Variants in KRIT1 observed in about 807,000 individuals in gnomAD.
KRIT1 encodes the protein krev interaction trapped protein 1.
Under a neutral mutation model 95.8 loss-of-function variants are expected in KRIT1, and 45 were observed. The ratio of observed to expected loss-of-function variants is 0.47; its 90% CI spans 0.37 to 0.60. The LOEUF (loss-of-function observed/expected upper bound fraction) is 0.60. Among genes scored for constraint, KRIT1 ranks in the 20% least tolerant of loss-of-function variants. KRIT1 has a pLI of 0.00. For synonymous variants in KRIT1, 282 were observed against 278.8 expected (o/e 1.01, Z -0.11); for missense variants, 788 against 877.5 (o/e 0.90, Z 1.29).
At chr7:92,206,688 C>G (rs1457141942) in intron 17 of KRIT1, 1 of 151,816 alleles carries the variant, frequency 6.6e-6, no homozygotes, top group Non-Finnish European at 1.5e-5. Flanking sequence ...AACATGACAC[C>G]TTCAAAGGAA....
chr7:92,210,746 A>T (rs1584776089), intron 17 of KRIT1, among the ~76,000 whole-genome samples: 1 of 152,226 alleles, frequency 6.6e-6, no homozygotes, highest in Non-Finnish European at 1.5e-5. Flanking sequence ...TGAAGAGACA[A>T]TGTGGTGAAT....
chr7:92,215,046 G>A (rs1734418918), intron 14 of KRIT1, among the ~76,000 whole-genome samples: 1 of 152,066 alleles, frequency 6.6e-6, no homozygotes, highest in South Asian at 2.1e-4. Context: ...GTATGGCAGT[G>A]TTCTAATAAC....
At chr7:92,226,066 T>C (rs1314344957) in intron 11 of KRIT1, among the ~76,000 whole-genome samples, 1 of 152,224 alleles carries the variant, frequency 6.6e-6, no homozygotes, top group Non-Finnish European at 1.5e-5. Flanking sequence ...ACAGACATAA[T>C]AAAAGTTTTA....
intron 10 of KRIT1, among the ~76,000 whole-genome samples, chr7:92,232,476 G>GT (rs1376521800): frequency 2.0e-5 from 3 of 148,926 alleles, no homozygotes; most frequent in Non-Finnish European, 4.4e-5. Context: ...TTGTTTTTAT[G>GT]TAATAGTTGA....
In KRIT1 at chr7:92,234,928, A is replaced by T. The variant is rs769363711; in HGVS notation, c.730-5T>A. The T allele has an allele frequency of 7.6e-7, 1 of 1,320,416 alleles. No individual in the cohort carries two copies. The highest frequency in any genetic ancestry group is 1.1e-6 in the Non-Finnish European group (1 of 912,244). The allele number at this position is 1,320,416 out of a possible 1,614,324, so 81.8% of individuals were successfully genotyped here. A position where few individuals can be genotyped will look rare whatever the true frequency, so the allele number is the denominator to read the frequency against. On this transcript the variant is annotated splice_polypyrimidine_tract_variant and splice_region_variant and intron_variant, in intron 8 of 18. Transcript: ENST00000394505. ...ATTTATTACCACTTTATCTACCTAG[A>T]AAGGGAAAACAATAACAAAAACCCA...
intron 11 of KRIT1, among the ~76,000 whole-genome samples, 175 bp from the exon 12 acceptor site, chr7:92,226,002 T>C (rs1774697520): frequency 3.3e-5 from 5 of 152,218 alleles, no homozygotes; most frequent in Admixed American, 3.3e-4. Flanking sequence ...GTTGCCAAGA[T>C]AAAAGACTCA....
chr7:92,233,199 T>C (rs1797696929), intron 10 of KRIT1, among the ~76,000 whole-genome samples: 2 of 148,736 alleles, frequency 1.3e-5, no homozygotes, highest in East Asian at 4.0e-4. Flanking sequence ...CACACACATA[T>C]AAAGCAACTA....
intron 14 of KRIT1, among the ~76,000 whole-genome samples, chr7:92,221,540 T>G (rs1795148875): frequency 6.6e-6 from 1 of 152,198 alleles, no homozygotes; most frequent in African/African-American, 2.4e-5. Context: ...CACACCAGTG[T>G]TTCTCTTTCT....
rs772711944 is a variant in KRIT1, at chr7:92,221,927, C to A, written c.1538G>T (p.Arg513Ile). Residue 513 changes from arginine to isoleucine, a missense_variant, in exon 14 of 19, where the codon AGA (arginine) becomes ATA (isoleucine). By Grantham distance (97) the Arg-to-Ile change is moderately conservative. Coordinates refer to ENST00000394505, the MANE Select transcript of KRIT1 (RefSeq NM_194454.3). ...TPQLFLRRDVRLPLEVEKQIE... is the reference protein window; with the variant it reads ...TPQLFLRRDVILPLEVEKQIE... The stretch of plus-strand genomic sequence containing the variant: ...CTGTTTTTCAACTTCCAAGGGAAGT[C>A]TCACATCTCTTCTTAGAAAAAGCTG... 3.1e-6 allele frequency: 5 copies of A among 1,613,832 alleles called. No individual in the cohort carries two copies. The South Asian group carries it at 5.5e-5, about 18-fold the overall frequency.
intron 17 of KRIT1, among the ~76,000 whole-genome samples, chr7:92,211,040 G>GTT (rs1475243161): frequency 2.0e-5 from 3 of 152,160 alleles, no homozygotes; most frequent in Non-Finnish European, 4.4e-5. Flanking sequence ...ACAAATGCTG[G>GTT]TGAGGATGCA....
intron 14 of KRIT1, among the ~76,000 whole-genome samples, chr7:92,220,247 A>AT (rs1450280205): frequency 6.6e-6 from 1 of 152,056 alleles, no homozygotes; most frequent in Non-Finnish European, 1.5e-5. Flanking sequence ...AGGGTGTTGG[A>AT]TTTTGTCAAA....
intron 5 of KRIT1, among the ~76,000 whole-genome samples, chr7:92,239,859 T>C (rs528028224): frequency 1.3e-5 from 2 of 151,980 alleles, no homozygotes; most frequent in Admixed American, 6.6e-5. Context: ...TATAGGCGTG[T>C]ACCACCACAC....
At position 92,199,585 on chromosome 7, in the gene KRIT1, T is replaced by G. The variant is rs1159167423; in HGVS notation, c.*1151A>C. ...AAGTCAATATACATAAACTATTAAG[T>G]CAACTCATAAAAAATACAGCATGTA... is the stretch of plus-strand genomic sequence containing the variant. On this transcript the variant is annotated 3_prime_UTR_variant, in exon 19 of 19. Coordinates refer to ENST00000394505, the MANE Select transcript of KRIT1 (RefSeq NM_194454.3). 1 of 152,180 alleles carries G rather than the reference T, an allele frequency of 6.6e-6. No homozygotes were observed. Among genetic ancestry groups the G allele is most frequent in the African/African-American group, 2.4e-5 (1 of 41,450 alleles). The allele number at this position is 152,180 out of a possible 1,614,324, so 9.4% of individuals were successfully genotyped here.
At chr7:92,239,960 C>T (rs1158142803) in intron 5 of KRIT1, among the ~76,000 whole-genome samples, 14 of 152,000 alleles carry the variant, frequency 9.2e-5, no homozygotes, top group Non-Finnish European at 1.5e-4. Context: ...CCACCCACCT[C>T]GGCCTCCCAA....
chr7:92,220,153 C>T (rs746657844), intron 14 of KRIT1, among the ~76,000 whole-genome samples: 5 of 152,140 alleles, frequency 3.3e-5, no homozygotes, highest in Non-Finnish European at 7.3e-5. Context: ...ATGATATTAG[C>T]TGTGGGTTTT....
intron 14 of KRIT1, among the ~76,000 whole-genome samples, chr7:92,220,973 C>T (rs1003551475): frequency 1.3e-5 from 2 of 151,778 alleles, no homozygotes; most frequent in African/African-American, 2.4e-5. Context: ...CAGGCATGAG[C>T]CACTGTGCCT....
intron 17 of KRIT1, among the ~76,000 whole-genome samples, chr7:92,212,514 G>C (rs183910265): frequency 6.6e-6 from 1 of 152,114 alleles, no homozygotes; most frequent in Non-Finnish European, 1.5e-5. Context: ...ACATGAATGG[G>C]ATTCATGCCT....
chr7:92,201,949 T>C (rs1434292734), intron 17 of KRIT1, among the ~76,000 whole-genome samples: 2 of 152,212 alleles, frequency 1.3e-5, no homozygotes, highest in Non-Finnish European at 2.9e-5. Context: ...ATATTTGTCA[T>C]ATAAGATTGA....
intron 10 of KRIT1, among the ~76,000 whole-genome samples, chr7:92,227,970 G>A (rs904730709): frequency 3.9e-5 from 6 of 152,058 alleles, no homozygotes; most frequent in South Asian, 2.1e-4. Context: ...CAGAGATCGC[G>A]CCATTGCACT....
Sources: gnomAD v4.1 joint callset for allele counts (sites outside exome capture counted in the v4.1 genomes callset) on GRCh38, gnomAD v4.1.1 for gene constraint, MANE v1.5 for transcripts, NCBI Gene and HGNC (gene_info 2026-07-23, HGNC 2026-07-21) for gene names.